The following PEX5L variants were observed in gnomAD, a reference collection of about 807,000 sequenced individuals.
PEX5L encodes the protein PEX5-related protein.
PEX5L carries 30 observed loss-of-function variants against 84.0 expected under a neutral mutation model. That is an observed-to-expected ratio of 0.36 (90% CI 0.27 to 0.48). PEX5L has a LOEUF of 0.48. Among genes scored for constraint, PEX5L ranks in the 20% least tolerant of loss-of-function variants. The probability of loss-of-function intolerance (pLI) is 0.99; values close to 1 mark genes in which losing one functional copy is unlikely to be tolerated. For synonymous variants in PEX5L, 270 were observed against 283.1 expected (o/e 0.95, Z 0.46); for missense variants, 533 against 754.6 (o/e 0.71, Z 3.44).
intron 2 of PEX5L, among the ~76,000 whole-genome samples, chr3:179,940,485 T>C (rs1050599564): frequency 7.2e-5 from 11 of 152,140 alleles, no homozygotes; most frequent in African/African-American, 2.7e-4. Context: ...GGGATCCCCT[T>C]AGTTGCCACT....
At chr3:179,827,773 G>A (rs1731087610) in intron 8 of PEX5L, among the ~76,000 whole-genome samples, 1 of 152,090 alleles carries the variant, frequency 6.6e-6, no homozygotes, top group Admixed American at 6.6e-5. Context: ...AGAGTTCTGT[G>A]GCCAAATGAG....
chr3:179,797,157 G>A lies in PEX5L; in HGVS notation c.*4671C>T, dbSNP rs1050439330. The A allele has an allele frequency of 1.6e-4, 24 of 152,180 alleles. 1 individual carries two copies. The highest frequency in any genetic ancestry group is 2.9e-5 in the Non-Finnish European group (2 of 68,026). 9.4% of individuals were successfully genotyped at this position (152,180 alleles called of 1,614,324 possible). On this transcript the variant is annotated 3_prime_UTR_variant, in exon 15 of 15. Transcript: ENST00000467460. ...CATTCAGACACTTGGATTTGTTTAA[G>A]TTTGGGATCTGTTGTGCCTCAACTG...
intron 1 of PEX5L, among the ~76,000 whole-genome samples, chr3:179,982,269 A>G (rs1411514217): frequency 2.0e-5 from 3 of 152,184 alleles, no homozygotes; most frequent in Admixed American, 2.0e-4. Flanking sequence ...TTTGTTCTTA[A>G]TATTTAAAAA....
chr3:179,863,751 A>G (rs1747093589), intron 7 of PEX5L, among the ~76,000 whole-genome samples: 1 of 152,162 alleles, frequency 6.6e-6, no homozygotes, highest in African/African-American at 2.4e-5. Context: ...TAGTGTAACC[A>G]TTATGGAAAA....
At chr3:179,913,965 C>T (rs1766090916) in intron 2 of PEX5L, among the ~76,000 whole-genome samples, 1 of 152,038 alleles carries the variant, frequency 6.6e-6, no homozygotes, top group South Asian at 2.1e-4. Flanking sequence ...AAATTATATA[C>T]TTTAGAACTC....
intron 1 of PEX5L, among the ~76,000 whole-genome samples, chr3:180,017,433 A>T (rs138338831): frequency 4.0e-4 from 61 of 152,290 alleles, no homozygotes; most frequent in African/African-American, 1.3e-3. Context: ...TATCAGTGTG[A>T]ACTATGTGAA....
At chr3:179,828,004 T>G (rs1731178763) in intron 8 of PEX5L, among the ~76,000 whole-genome samples, 1 of 152,164 alleles carries the variant, frequency 6.6e-6, no homozygotes, top group African/African-American at 2.4e-5. Context: ...TCTGATTGCC[T>G]CTACATCTGA....
chr3:179,865,526 T>TC (rs1295807669), intron 7 of PEX5L, among the ~76,000 whole-genome samples: 2 of 151,910 alleles, frequency 1.3e-5, no homozygotes, highest in Non-Finnish European at 2.9e-5. Flanking sequence ...TTTTTTTTTT[T>TC]CATCACAGGC....
chr3:179,829,043 T>C (rs2109088350), intron 8 of PEX5L, among the ~76,000 whole-genome samples: 1 of 152,336 alleles, frequency 6.6e-6, no homozygotes, highest in African/African-American at 2.4e-5. Context: ...ATCTTCTCAG[T>C]ACTAACCAGT....
chr3:179,880,171 A>AT (rs1313879425), intron 4 of PEX5L, 48 bp from the exon 5 acceptor site: 12 of 1,179,282 alleles, frequency 1.0e-5, no homozygotes, highest in Non-Finnish European at 1.4e-5. Flanking sequence ...CTACTCTGAA[A>AT]TTATTTAAAA....
intron 1 of PEX5L, among the ~76,000 whole-genome samples, chr3:180,001,261 T>C (rs1380927582): frequency 6.6e-6 from 1 of 151,558 alleles, no homozygotes; most frequent in Non-Finnish European, 1.5e-5. Flanking sequence ...AGCTTGCAGA[T>C]GGCCAATTGT....
intron 2 of PEX5L, among the ~76,000 whole-genome samples, chr3:179,964,522 T>A (rs370215619): frequency 6.6e-6 from 1 of 152,152 alleles, no homozygotes; most frequent in East Asian, 1.9e-4. Flanking sequence ...AGCCATAGAA[T>A]GCAAGAAGAT....
At chr3:180,033,967 A>C (rs963632078) in intron 1 of PEX5L, among the ~76,000 whole-genome samples, 1 of 152,230 alleles carries the variant, frequency 6.6e-6, no homozygotes, top group South Asian at 2.1e-4. Flanking sequence ...GTGTGTTTTT[A>C]AAAGTCTGCG....
At chr3:179,971,047 T>C (rs1784594963) in intron 2 of PEX5L, among the ~76,000 whole-genome samples, 2 of 152,144 alleles carry the variant, frequency 1.3e-5, no homozygotes, top group South Asian at 2.1e-4. Context: ...TCCAAGCTAG[T>C]GGTTTCTCAA....
intron 14 of PEX5L, chr3:179,803,946 AG>A (rs1484632392): frequency 6.6e-6 from 1 of 152,224 alleles, no homozygotes; most frequent in African/African-American, 2.4e-5. Context: ...GATGGACATA[AG>A]GAGCCTACTT....
In PEX5L at chr3:179,874,317, G is replaced by A; in HGVS notation, c.726+10C>T. 1 of 1,527,412 alleles carries A rather than the reference G, an allele frequency of 6.5e-7. No homozygotes were observed. The highest frequency in any genetic ancestry group is 9.1e-7 in the Non-Finnish European group (1 of 1,101,884). 94.6% of individuals were successfully genotyped at this position (1,527,412 alleles called of 1,614,324 possible). On this transcript the variant is annotated intron_variant, in intron 7 of 14. Coordinates refer to ENST00000467460, the MANE Select transcript of PEX5L (RefSeq NM_016559.3). ...GAAAGATGTGTTCATTGAATAATCAGTTTTGTTACCTGAGTCGGAGCCACT... is the reference window on the plus strand; with the variant it reads ...GAAAGATGTGTTCATTGAATAATCAATTTTGTTACCTGAGTCGGAGCCACT...
chr3:180,011,537 G>A (rs554220443), intron 1 of PEX5L, among the ~76,000 whole-genome samples: 57 of 152,250 alleles, frequency 3.7e-4, no homozygotes, highest in South Asian at 2.1e-3. Flanking sequence ...AACCTTATCC[G>A]TCTTCTCCAT....
At chr3:179,925,591 T>C (rs563418112) in intron 2 of PEX5L, among the ~76,000 whole-genome samples, 1 of 152,370 alleles carries the variant, frequency 6.6e-6, no homozygotes, top group East Asian at 1.9e-4. Flanking sequence ...TTTACTTTAT[T>C]GATGACAATT....
intron 2 of PEX5L, among the ~76,000 whole-genome samples, chr3:179,913,154 T>C (rs1028667289): frequency 9.9e-5 from 15 of 152,130 alleles, no homozygotes; most frequent in Non-Finnish European, 1.5e-4. Context: ...TTAATCAAAA[T>C]TGTATGGTAT....
Sources: gnomAD v4.1 joint callset for allele counts (sites outside exome capture counted in the v4.1 genomes callset) on GRCh38, gnomAD v4.1.1 for gene constraint, MANE v1.5 for transcripts, NCBI Gene and HGNC (gene_info 2026-07-23, HGNC 2026-07-21) for gene names.